LRFN5: variants seen among roughly 807,000 people sequenced by gnomAD.
LRFN5 encodes the protein leucine-rich repeat and fibronectin type-III domain-containing protein 5.
In LRFN5, 24 loss-of-function variants were observed where a neutral mutation model predicts 45.6. That is an observed-to-expected ratio of 0.53 (90% CI 0.38 to 0.74). The LOEUF (loss-of-function observed/expected upper bound fraction) is 0.74, where lower values mean the gene tolerates loss of function less well. Ranked by LOEUF, LRFN5 falls within the 30% of genes least tolerant of loss-of-function variation. The pLI is 0.00. For synonymous variants in LRFN5, 340 were observed against 313.8 expected, an observed-to-expected ratio of 1.08 and a Z score of -0.88; for missense variants, 776 against 861.5, an observed-to-expected ratio of 0.90 and a Z score of 1.24.
In LRFN5 at chr14:41,718,221, A is replaced by T. The variant is rs77424044; in HGVS notation, c.-196-48633A>T. Among the ~76,000 whole-genome samples, 1,215 of 152,306 alleles carry T rather than the reference A, an allele frequency of 8.0e-3. 24 individuals are homozygous for T. The highest frequency in any genetic ancestry group is 0.026 in the African/African-American group (1,088 of 41,552). On this transcript the variant is annotated intron_variant, in intron 1 of 5. Transcript: ENST00000298119. ...AAGCCTTAGGTTCCTCATCTGTCAA[A>T]AGGAAATATCATATCTATTTGTAAT... is the stretch of plus-strand genomic sequence containing the variant.
Position 41,899,823 on chromosome 14 carries a change from T to A in LRFN5, c.2142+863T>A, listed in dbSNP as rs537139629. 2.0e-5 allele frequency among the ~76,000 whole-genome samples: 3 copies of A among 152,306 alleles called. No individual in the cohort carries two copies. In the East Asian group the frequency reaches 5.8e-4, roughly 29 times the overall value. On this transcript the variant is annotated intron_variant, in intron 5 of 5. Transcript: ENST00000298119. ...CCACAAATCAAAATGTTTTCATGCA[T>A]CATTTCTTTACTGAATTTAGAATCC...
chr14:41,900,270 G>C (rs954074930), intron 5 of LRFN5, among the ~76,000 whole-genome samples: 1 of 151,976 alleles, frequency 6.6e-6, no homozygotes, highest in Non-Finnish European at 1.5e-5. Context: ...GCGAGTAAAT[G>C]TCTACGTAAG....
intron 2 of LRFN5, among the ~76,000 whole-genome samples, chr14:41,881,633 T>G (rs1349453121): frequency 6.6e-6 from 1 of 152,100 alleles, no homozygotes; most frequent in Non-Finnish European, 1.5e-5. Context: ...GGATTAAAAT[T>G]ATGATAATAT....
At chr14:41,817,550 G>A (rs1184032629) in intron 2 of LRFN5, among the ~76,000 whole-genome samples, 1 of 151,996 alleles carries the variant, frequency 6.6e-6, no homozygotes. Flanking sequence ...TGACTAGAGG[G>A]GTCCACAGTT....
At chr14:41,846,596 A>G (rs1490659471) in intron 2 of LRFN5, among the ~76,000 whole-genome samples, 1 of 152,200 alleles carries the variant, frequency 6.6e-6, no homozygotes, top group African/African-American at 2.4e-5. Flanking sequence ...TGCTAGTTAT[A>G]TAACTATGTT....
rs536717516 is a variant in LRFN5 at position 41,871,800 on chromosome 14, CTT to C, written c.-20-14805_-20-14804del. On this transcript the variant is annotated intron_variant, in intron 2 of 5. Coordinates refer to ENST00000298119, the MANE Select transcript of LRFN5 (RefSeq NM_152447.5). ...GATTACCCTAATTAATTTATTATCTCTTATCACAGTCCAACTTTTTTTACTAA... is the reference window on the plus strand; with the variant it reads ...GATTACCCTAATTAATTTATTATCTCATCACAGTCCAACTTTTTTTACTAA... Among the ~76,000 whole-genome samples the C allele has an allele frequency of 2.0e-4, 31 of 152,228 alleles. No homozygotes were observed. In the East Asian group the frequency reaches 6.0e-3, roughly 29 times the overall value.
At chr14:41,804,537 C>A (rs10136415) in intron 2 of LRFN5, among the ~76,000 whole-genome samples, 17,092 of 152,118 alleles carry the variant, frequency 0.11, 1,451 homozygotes, top group East Asian at 0.48. Context: ...AATTCAGCCT[C>A]CTCTCATCCT....
In LRFN5 at chr14:41,857,935, G is replaced by A. The variant is rs80291269; in HGVS notation, c.-20-28671G>A. ...ACAAGAGCTGAAATGATTGGGCAAA[G>A]ATTAAGCAGGCCAGGGTGAATGGAA... On this transcript the variant is annotated intron_variant, in intron 2 of 5. Coordinates refer to ENST00000298119, the MANE Select transcript of LRFN5 (RefSeq NM_152447.5). 8.6e-4 allele frequency among the ~76,000 whole-genome samples: 131 copies of A among 152,332 alleles called. 2 individuals carry two copies. In the East Asian group the frequency reaches 0.025, roughly 28 times the overall value.
chr14:41,633,437 G>A (rs1888618970), intron 1 of LRFN5, among the ~76,000 whole-genome samples: 1 of 151,918 alleles, frequency 6.6e-6, no homozygotes, highest in Non-Finnish European at 1.5e-5. Context: ...ACTTATAAAT[G>A]CCTTAGCAGA....
chr14:41,768,420 T>C (rs1885965170), intron 2 of LRFN5, among the ~76,000 whole-genome samples: 1 of 152,110 alleles, frequency 6.6e-6, no homozygotes, highest in African/African-American at 2.4e-5. Flanking sequence ...ATTCCAAACA[T>C]GATTTTAGTG....
chr14:41,886,396 A>AT (rs1334752900), intron 2 of LRFN5, among the ~76,000 whole-genome samples: 1 of 152,096 alleles, frequency 6.6e-6, no homozygotes, highest in Admixed American at 6.5e-5. Context: ...TTCCTACTTG[A>AT]TTTTAAATCC....
At chr14:41,878,541 A>G (rs1434575940) in intron 2 of LRFN5, among the ~76,000 whole-genome samples, 1 of 152,112 alleles carries the variant, frequency 6.6e-6, no homozygotes, top group African/African-American at 2.4e-5. Flanking sequence ...ATGGAAAATC[A>G]TTTTTCAGTT....
chr14:41,872,801 G>T (rs551800109), intron 2 of LRFN5, among the ~76,000 whole-genome samples: 1 of 152,280 alleles, frequency 6.6e-6, no homozygotes, highest in South Asian at 2.1e-4. Flanking sequence ...TAAAAATTAG[G>T]TTCTTCTTCT....
At chr14:41,703,719 A>G (rs1286038867) in intron 1 of LRFN5, among the ~76,000 whole-genome samples, 1 of 152,126 alleles carries the variant, frequency 6.6e-6, no homozygotes, top group African/African-American at 2.4e-5. Context: ...TGATCATTTC[A>G]TGGTAACCCT....
At chr14:41,811,429 C>T (rs1488798651) in intron 2 of LRFN5, among the ~76,000 whole-genome samples, 1 of 151,970 alleles carries the variant, frequency 6.6e-6, no homozygotes, top group Non-Finnish European at 1.5e-5. Flanking sequence ...TATACATACT[C>T]AAGAGAGGTG....
At chr14:41,775,903 C>T (rs189689966) in intron 2 of LRFN5, among the ~76,000 whole-genome samples, 38 of 152,282 alleles carry the variant, frequency 2.5e-4, no homozygotes, top group African/African-American at 8.9e-4. Context: ...TCAAAATTTT[C>T]GGTCAGATTT....
At chr14:41,761,251 AAG>A (rs768722313) in intron 1 of LRFN5, among the ~76,000 whole-genome samples, 1 of 151,656 alleles carries the variant, frequency 6.6e-6, no homozygotes, top group East Asian at 1.9e-4. Context: ...TGAAGGGAAA[AAG>A]AGAGAGGGAG....
At chr14:41,758,568 T>A (rs1885512551) in intron 1 of LRFN5, among the ~76,000 whole-genome samples, 1 of 152,232 alleles carries the variant, frequency 6.6e-6, no homozygotes, top group African/African-American at 2.4e-5. Context: ...ACAAGTTTAA[T>A]TTCTTATGTC....
chr14:41,675,414 A>C (rs1385243821), intron 1 of LRFN5, among the ~76,000 whole-genome samples: 1 of 152,240 alleles, frequency 6.6e-6, no homozygotes, highest in Admixed American at 6.5e-5. Context: ...CAGCCCGGCC[A>C]ACACAGCGAA....
Sources: gnomAD v4.1 joint callset for allele counts (sites outside exome capture counted in the v4.1 genomes callset) on GRCh38, gnomAD v4.1.1 for gene constraint, MANE v1.5 for transcripts, NCBI Gene and HGNC (gene_info 2026-07-23, HGNC 2026-07-21) for gene names.